Variants in SLC12A8 observed in about 807,000 individuals in gnomAD.
The protein encoded by SLC12A8 is cation-chloride cotransporter 9.
A neutral mutation model predicts 75.6 loss-of-function variants in SLC12A8; 69 were observed. The observed-to-expected ratio is 0.91, with a 90% CI of 0.75 to 1.11. The LOEUF (loss-of-function observed/expected upper bound fraction) is 1.11. SLC12A8 is among the 50% of genes most tolerant of loss of function. SLC12A8 has a pLI of 0.00. For synonymous variants in SLC12A8, 365 were observed against 372.8 expected, an observed-to-expected ratio of 0.98 and a Z score of 0.24; for missense variants, 877 against 896.7, an observed-to-expected ratio of 0.98 and a Z score of 0.28.
intron 2 of SLC12A8, among the ~76,000 whole-genome samples, chr3:125,197,187 A>C (rs1935024286): frequency 1.3e-5 from 2 of 152,264 alleles, no homozygotes; most frequent in African/African-American, 4.8e-5. Context: ...AGGGGCTCCC[A>C]CTAGCCAAAT....
chr3:125,119,070 T>C, intron 7 of SLC12A8: 1 of 446,944 alleles, frequency 2.2e-6, no homozygotes, highest in Non-Finnish European at 4.1e-6. Context: ...CATTGTTTTG[T>C]TTCTTTTTTT....
At chr3:125,202,357 T>C (rs1656973305) in intron 2 of SLC12A8, among the ~76,000 whole-genome samples, 2 of 152,234 alleles carry the variant, frequency 1.3e-5, no homozygotes, top group Admixed American at 6.5e-5. Context: ...AAAACTCAGT[T>C]ACTCTCCCCT....
At chr3:125,166,443 A>C (rs9829910) in intron 5 of SLC12A8, among the ~76,000 whole-genome samples, 18,008 of 152,104 alleles carry the variant, frequency 0.12, 2,288 homozygotes, top group African/African-American at 0.32. Flanking sequence ...GTATTGGGAC[A>C]AGAGCAATCT....
chr3:125,144,311 A>G (rs550482634), intron 5 of SLC12A8, among the ~76,000 whole-genome samples: 1 of 152,300 alleles, frequency 6.6e-6, no homozygotes, highest in African/African-American at 2.4e-5. Flanking sequence ...AAGGAAACTG[A>G]GGCACAGAGA....
intron 2 of SLC12A8, among the ~76,000 whole-genome samples, chr3:125,204,696 T>A (rs1935193312): frequency 6.6e-6 from 1 of 152,174 alleles, no homozygotes; most frequent in Admixed American, 6.5e-5. Flanking sequence ...AATAACTTAT[T>A]GTATATTTCA....
At chr3:125,159,039 C>A (rs1346493919) in intron 5 of SLC12A8, among the ~76,000 whole-genome samples, 1 of 152,084 alleles carries the variant, frequency 6.6e-6, no homozygotes, top group Non-Finnish European at 1.5e-5. Context: ...TTTGCCAGAG[C>A]AAGACAGACA....
chr3:125,177,683 C>T (rs1934564121), intron 5 of SLC12A8, 60 bp downstream of exon 5: 3 of 1,424,664 alleles, frequency 2.1e-6, no homozygotes, highest in Non-Finnish European at 3.0e-6. Context: ...CTCACACCTA[C>T]AAACATCTCT....
At chr3:125,123,344 A>G (rs1368427603) in intron 6 of SLC12A8, among the ~76,000 whole-genome samples, 1 of 142,742 alleles carries the variant, frequency 7.0e-6, no homozygotes, top group East Asian at 2.1e-4. Context: ...CACTCACTCC[A>G]GCCTGGGTGA....
chr3:125,163,358 A>T (rs1934215913), intron 5 of SLC12A8, among the ~76,000 whole-genome samples: 2 of 152,108 alleles, frequency 1.3e-5, no homozygotes. Context: ...CTGTAATCCC[A>T]GCACTTTGGG....
At chr3:125,084,102 G>C in intron 13 of SLC12A8, 50 bp from the exon 14 acceptor site, 1 of 1,511,986 alleles carries the variant, frequency 6.6e-7, no homozygotes, top group Non-Finnish European at 9.1e-7. Context: ...AACAGAGACT[G>C]AACAGTAGAG....
In SLC12A8 at chr3:125,120,601, GA is replaced by G. The variant is rs749258467; in HGVS notation, c.821del (p.Ile274ThrfsTer27). ...IPLGSLAAVG[I>X]SWFLYIIFVF... ...TGATTGCCATGAGGGGAACTTACGA[GA>G]TGCCAACAGCTGCCAGGGAGCCCAG... On this transcript the variant is annotated frameshift_variant, in exon 7 of 14. Transcript: ENST00000469902. LOFTEE classifies it high-confidence loss of function. 10 of 1,612,212 alleles carry G rather than the reference GA, an allele frequency of 6.2e-6. No homozygotes were observed. In the South Asian group the frequency reaches 1.1e-4, roughly 18 times the overall value.
chr3:125,116,427 T>C (rs903975578), intron 8 of SLC12A8, among the ~76,000 whole-genome samples: 1 of 152,208 alleles, frequency 6.6e-6, no homozygotes, highest in South Asian at 2.1e-4. Flanking sequence ...ATGAAGCAGG[T>C]GCCCCCAGCT....
At chr3:125,095,660 C>G (rs570238494) in intron 10 of SLC12A8, among the ~76,000 whole-genome samples, 1 of 152,282 alleles carries the variant, frequency 6.6e-6, no homozygotes, top group East Asian at 1.9e-4. Flanking sequence ...TGTGCACTTT[C>G]CCCTTCCTCT....
At chr3:125,149,852 G>A (rs542342764) in intron 5 of SLC12A8, among the ~76,000 whole-genome samples, 1 of 152,278 alleles carries the variant, frequency 6.6e-6, no homozygotes, top group Admixed American at 6.5e-5. Flanking sequence ...GGGAGAGCAG[G>A]TGGATTTTGG....
At chr3:125,130,603 AAAGAAAAAG>A (rs1933328360) in intron 6 of SLC12A8, among the ~76,000 whole-genome samples, 4 of 149,656 alleles carry the variant, frequency 2.7e-5, no homozygotes, top group Non-Finnish European at 3.0e-5. Context: ...AAAAAAAGAA[AAAGAAAAAG>A]AAAAAGAAAA....
At chr3:125,139,921 G>C (rs979994022) in intron 5 of SLC12A8, among the ~76,000 whole-genome samples, 1 of 152,186 alleles carries the variant, frequency 6.6e-6, no homozygotes, top group African/African-American at 2.4e-5. Context: ...TTGGGGAAGG[G>C]CAGATTTCTG....
At chr3:125,090,828 T>A (rs1248479477) in intron 12 of SLC12A8, among the ~76,000 whole-genome samples, 1 of 152,230 alleles carries the variant, frequency 6.6e-6, no homozygotes, top group Non-Finnish European at 1.5e-5. Flanking sequence ...AGAAGGATTC[T>A]TGTAGGCAGC....
intron 2 of SLC12A8, among the ~76,000 whole-genome samples, chr3:125,208,142 G>A (rs1159947102): frequency 6.6e-6 from 1 of 152,156 alleles, no homozygotes; most frequent in African/African-American, 2.4e-5. Flanking sequence ...AGAGGCCCCT[G>A]GAACAAGGCT....
intron 10 of SLC12A8, among the ~76,000 whole-genome samples, chr3:125,094,794 C>G (rs549000168): frequency 6.6e-6 from 1 of 152,324 alleles, no homozygotes; most frequent in African/African-American, 2.4e-5. Context: ...ATGATTGTAT[C>G]TACTTTTCCA....
Sources: gnomAD v4.1 joint callset for allele counts (sites outside exome capture counted in the v4.1 genomes callset) on GRCh38, gnomAD v4.1.1 for gene constraint, MANE v1.5 for transcripts, NCBI Gene and HGNC (gene_info 2026-07-23, HGNC 2026-07-21) for gene names.